The following FYB2 variants were observed in gnomAD, a reference collection of about 807,000 sequenced individuals.
FYB2 encodes FYN binding protein 2.
Under a neutral mutation model 94.1 loss-of-function variants are expected in FYB2, and 103 were observed. The ratio of observed to expected loss-of-function variants is 1.09; its 90% CI spans 0.93 to 1.29. The LOEUF (loss-of-function observed/expected upper bound fraction) is 1.29, where lower values mean the gene tolerates loss of function less well. Among genes scored for constraint, FYB2 ranks in the 50% most tolerant of loss-of-function variants. FYB2 has a pLI of 0.00. For synonymous variants in FYB2, 293 were observed against 287.9 expected (o/e 1.02, Z -0.18); for missense variants, 896 against 841.5 (o/e 1.06, Z -0.80).
In FYB2 at chr1:56,771,851, A is replaced by G. The variant is rs948926461; in HGVS notation, c.954-3913T>C. Among the ~76,000 whole-genome samples, 4 of 152,108 alleles carry G rather than the reference A, an allele frequency of 2.6e-5. No homozygotes were observed. In the East Asian group the frequency reaches 5.8e-4, roughly 22 times the overall value. ...GTTCTCTTTTTTCCCCTCATTTATT[A>G]TAATCATAAGCACATTCCACCCAAT... is the stretch of plus-strand genomic sequence containing the variant. On this transcript the variant is annotated intron_variant, in intron 4 of 19. Transcript: ENST00000343433.
At chr1:56,785,269 T>G (rs1646107617) in intron 4 of FYB2, among the ~76,000 whole-genome samples, 1 of 152,132 alleles carries the variant, frequency 6.6e-6, no homozygotes, top group Non-Finnish European at 1.5e-5. Context: ...TGTATCTAGT[T>G]AAACACAGCA....
intron 15 of FYB2, among the ~76,000 whole-genome samples, chr1:56,728,745 T>C (rs1481731543): frequency 6.6e-6 from 1 of 152,114 alleles, no homozygotes; most frequent in African/African-American, 2.4e-5. Context: ...ACAAACCCTA[T>C]ATCCACTCTC....
chr1:56,811,801 C>T (rs1311014354), intron 1 of FYB2, among the ~76,000 whole-genome samples: 1 of 152,190 alleles, frequency 6.6e-6, no homozygotes, highest in Non-Finnish European at 1.5e-5. Context: ...GCAACATACA[C>T]TTTTGGATGA....
intron 16 of FYB2, among the ~76,000 whole-genome samples, chr1:56,725,154 A>G (rs1181124100): frequency 6.6e-6 from 1 of 152,046 alleles, no homozygotes; most frequent in East Asian, 1.9e-4. Flanking sequence ...AGAACCATGA[A>G]CTAAATAAAC....
intron 13 of FYB2, 26 bp from the exon 14 acceptor site, chr1:56,738,679 G>C (rs1285204004): frequency 2.5e-6 from 4 of 1,607,294 alleles, no homozygotes; most frequent in Non-Finnish European, 3.4e-6. Flanking sequence ...AGACACAAAA[G>C]AGTTAAGGAA....
At position 56,819,294 on chromosome 1, in the gene FYB2, T is replaced by G. The variant is rs1158731738; in HGVS notation, c.-4A>C. The stretch of plus-strand genomic sequence containing the variant: ...GAGACAGCCTTACCCCTTCCATTGC[T>G]TTCCTCCAAGGCAGAGTCAGGGAAA... On this transcript the variant is annotated 5_prime_UTR_variant, in exon 1 of 20. Coordinates refer to ENST00000343433, the MANE Select transcript of FYB2 (RefSeq NM_001004303.5). The G allele has an allele frequency of 2.5e-6, 4 of 1,614,080 alleles. No homozygotes were observed. In the African/African-American group the frequency reaches 5.3e-5, roughly 22 times the overall value.
rs761075919 is a variant in FYB2, at chr1:56,737,095, T to C, written c.1785A>G (p.Lys595=). The C allele has an allele frequency of 4.4e-6, 7 of 1,602,724 alleles. No homozygotes were observed. The highest frequency in any genetic ancestry group is 1.3e-5 in the African/African-American group (1 of 74,598). The change falls in exon 15 of 20, where the codon AAA becomes AAG. Residue 595 remains lysine, a synonymous_variant. Transcript: ENST00000343433. The part of the protein sequence containing the change: ...IIYDDVDLSE[K]ESKDEDKLKM... Reference sequence around the variant, plus strand: ...TAAGGTAAATTACTTACTTTGACTCTTTTTCACTCAGGTCTACATCATCAT... The same window carrying C: ...TAAGGTAAATTACTTACTTTGACTCCTTTTCACTCAGGTCTACATCATCAT...
intron 5 of FYB2, among the ~76,000 whole-genome samples, chr1:56,764,448 G>A (rs1185688741): frequency 6.6e-6 from 1 of 151,084 alleles, no homozygotes; most frequent in Admixed American, 6.6e-5. Flanking sequence ...TTCAGATTTG[G>A]TAGTTACTAT....
At chr1:56,733,784 G>A (rs932570069) in intron 15 of FYB2, among the ~76,000 whole-genome samples, 1 of 152,130 alleles carries the variant, frequency 6.6e-6, no homozygotes, top group Admixed American at 6.6e-5. Flanking sequence ...GAGGCAGTTT[G>A]TTATGATTTC....
upstream of FYB2, among the ~76,000 whole-genome samples, chr1:56,821,014 T>C (rs148956803): frequency 6.2e-3 from 948 of 152,006 alleles, 5 homozygotes; most frequent in Middle Eastern, 0.02. Flanking sequence ...TCCCAGTCAG[T>C]TGGGGGGCCT....
At chr1:56,725,908 C>A (rs1334973983) in intron 16 of FYB2, among the ~76,000 whole-genome samples, 1 of 152,022 alleles carries the variant, frequency 6.6e-6, no homozygotes, top group African/African-American at 2.4e-5. Flanking sequence ...TGCCCCATGT[C>A]CTAGCAATTG....
chr1:56,757,146 A>C (rs1645352784), intron 6 of FYB2, among the ~76,000 whole-genome samples: 2 of 152,184 alleles, frequency 1.3e-5, no homozygotes, highest in Admixed American at 6.5e-5. Context: ...TGTTTTACTT[A>C]AAACAGAAAA....
At chr1:56,784,107 T>C (rs1226127353) in intron 4 of FYB2, among the ~76,000 whole-genome samples, 1 of 152,186 alleles carries the variant, frequency 6.6e-6, no homozygotes, top group Non-Finnish European at 1.5e-5. Flanking sequence ...ATGATTAAAA[T>C]ACATATCCAA....
chr1:56,758,718 T>C lies in FYB2; in HGVS notation c.1096A>G (p.Lys366Glu). 6.3e-7 allele frequency: 1 copy of C among 1,592,852 alleles called. No homozygotes were observed. Among genetic ancestry groups the C allele is most frequent in the Non-Finnish European group, 8.6e-7 (1 of 1,168,576 alleles). ...TYEVGIEELQ[K>E]PGKNFPYPEP... ...ATGTTGGTAAGGAGAAACAATACCT[T>C]TTGGAGTTCTTCAATTCCAACTTCA... Residue 366 changes from lysine to glutamate, a missense_variant and splice_region_variant, in exon 6 of 20, where the codon AAG becomes GAG. Transcript: ENST00000343433.
intron 1 of FYB2, among the ~76,000 whole-genome samples, chr1:56,807,455 A>G (rs188563829): frequency 5.6e-4 from 85 of 152,324 alleles, no homozygotes; most frequent in Non-Finnish European, 8.4e-4. Context: ...TAAAGAAGAT[A>G]AAGGAGCCCC....
intron 1 of FYB2, among the ~76,000 whole-genome samples, chr1:56,818,180 G>A (rs2101125022): frequency 6.6e-6 from 1 of 152,178 alleles, no homozygotes; most frequent in East Asian, 1.9e-4. Context: ...GTATGGTCGA[G>A]GTGGGGGTGG....
At chr1:56,822,877 CAG>C, upstream of FYB2, among the ~76,000 whole-genome samples, 1 of 150,970 alleles carries the variant, frequency 6.6e-6, no homozygotes, top group Middle Eastern at 3.2e-3. Flanking sequence ...GATTGATTGT[CAG>C]AGTTAGGCTG....
chr1:56,723,101 A>C (rs557007435), intron 17 of FYB2, among the ~76,000 whole-genome samples: 14 of 152,148 alleles, frequency 9.2e-5, no homozygotes, highest in South Asian at 6.2e-4. Context: ...TTCATTTACC[A>C]AACACTGTGC....
chr1:56,792,458 G>C lies in FYB2; in HGVS notation c.355C>G (p.Gln119Glu). The C allele has an allele frequency of 6.2e-7, 1 of 1,614,132 alleles. No individual in the cohort carries two copies. Among genetic ancestry groups the C allele is most frequent in the Non-Finnish European group, 8.5e-7 (1 of 1,180,016 alleles). ...QKASLLLEVT[Q>E]SNVEIITKEK... ...TTAGTGATTATCTCAACATTTGATT[G>C]AGTCACCTCTAACAGCAGAGAAGCC... The change falls in exon 2 of 20, where the codon CAA becomes GAA. Residue 119 changes from glutamine to glutamate, a missense_variant. Physicochemically the swap from Gln to Glu is conservative, Grantham distance 29. Coordinates refer to ENST00000343433, the MANE Select transcript of FYB2 (RefSeq NM_001004303.5).
Sources: allele counts gnomAD v4.1 joint callset (sites outside exome capture counted in the v4.1 genomes callset), GRCh38; gene constraint gnomAD v4.1.1; transcripts MANE v1.5; gene names NCBI Gene and HGNC (gene_info 2026-07-23, HGNC 2026-07-21).